Variants in APCDD1 observed in about 807,000 individuals in gnomAD.
APCDD1 encodes the protein protein APCDD1.
APCDD1 carries 15 observed loss-of-function variants against 38.1 expected under a neutral mutation model. That is an observed-to-expected ratio of 0.39 (90% CI 0.26 to 0.61). The LOEUF is 0.61. APCDD1 is among the 20% of genes least tolerant of loss of function. APCDD1 has a pLI of 0.49. For missense variants in APCDD1, 647 were observed against 696.2 expected (o/e 0.93, Z 0.79); for synonymous variants, 261 against 279.7 (o/e 0.93, Z 0.67).
chr18:10,458,349 C>T (rs1352356771), intron 1 of APCDD1, among the ~76,000 whole-genome samples: 1 of 152,160 alleles, frequency 6.6e-6, no homozygotes, highest in East Asian at 1.9e-4. Context: ...TTGCAGATTA[C>T]CAAATGAGAG....
At position 10,472,864 on chromosome 18, in the gene APCDD1, T is replaced by C. The variant is rs1010249149; in HGVS notation, c.774+803T>C. ...CCCACAAGCTTAGAGTACACGTCCA[T>C]GTGTAACTCGATCACCTCCACCATC... On this transcript the variant is annotated intron_variant, in intron 3 of 4. Transcript: ENST00000355285. The surrounding 1 kb of genome is among the most constrained non-coding windows in gnomAD (Gnocchi z 6.6). Among the ~76,000 whole-genome samples the C allele has an allele frequency of 1.3e-5, 2 of 152,198 alleles. No homozygotes were observed. Among genetic ancestry groups the C allele is most frequent in the African/African-American group, 4.8e-5 (2 of 41,450 alleles).
chr18:10,469,344 G>T lies in APCDD1; in HGVS notation c.242+692G>T, dbSNP rs2030795972. Among the ~76,000 whole-genome samples the T allele has an allele frequency of 6.6e-6, 1 of 152,122 alleles. No individual in the cohort carries two copies. Among genetic ancestry groups the T allele is most frequent in the Non-Finnish European group, 1.5e-5 (1 of 68,016 alleles). Reference sequence around the variant, plus strand: ...CAAGTTCCTTGGGGAGGGATCAGATGAATATGGAGAAGAGAAAAAAAGAAA... The same window carrying T: ...CAAGTTCCTTGGGGAGGGATCAGATTAATATGGAGAAGAGAAAAAAAGAAA... On this transcript the variant is annotated intron_variant, in intron 2 of 4. Transcript: ENST00000355285. The surrounding 1 kb of genome is among the most constrained non-coding windows in gnomAD (Gnocchi z 5.5).
chr18:10,457,216 G>C (rs11662092), intron 1 of APCDD1, among the ~76,000 whole-genome samples: 40,919 of 152,086 alleles, frequency 0.27, 5,624 homozygotes, highest in Non-Finnish European at 0.29. Context: ...TTTAAGAAAG[G>C]TTTGCCATAA....
At chr18:10,462,405 T>C in intron 1 of APCDD1, among the ~76,000 whole-genome samples, 1 of 100,656 alleles carries the variant, frequency 9.9e-6, no homozygotes. Flanking sequence ...CTTCCTGTCT[T>C]CTTTCCTTCC....
intron 3 of APCDD1, among the ~76,000 whole-genome samples, chr18:10,479,573 A>G (rs758611007): frequency 2.0e-5 from 3 of 152,190 alleles, no homozygotes; most frequent in Non-Finnish European, 4.4e-5. Context: ...TGCTGGGGAA[A>G]CGTCTGTTCT....
In APCDD1 at chr18:10,468,509, G is replaced by A. The variant is rs1320134173; in HGVS notation, c.99G>A (p.Arg33=). Residue 33 remains arginine (R), a synonymous_variant, in exon 2 of 5, where the codon AGG becomes AGA. Transcript: ENST00000355285. ...EGSALLHPDS[R]SHPRSLEKSA... ...CTGCCCTCCTTCATCCAGACAGCAG[G>A]TCTCATCCTAGGTCCTTAGAGAAAA... 2 of 1,614,022 alleles carry A rather than the reference G, an allele frequency of 1.2e-6. No homozygotes were observed. Among genetic ancestry groups the A allele is most frequent in the Non-Finnish European group, 1.7e-6 (2 of 1,180,044 alleles).
chr18:10,478,716 G>C (rs543354653), intron 3 of APCDD1, among the ~76,000 whole-genome samples: 3 of 152,278 alleles, frequency 2.0e-5, no homozygotes, highest in African/African-American at 4.8e-5. Flanking sequence ...CATGGATTTT[G>C]AGGCGACACA....
chr18:10,468,757 T>A, intron 2 of APCDD1, 105 bp downstream of exon 2: 4 of 1,230,544 alleles, frequency 3.3e-6, no homozygotes, highest in Non-Finnish European at 3.5e-6. Context: ...TTACAATGAT[T>A]TAGGTGTTGT....
intron 1 of APCDD1, among the ~76,000 whole-genome samples, chr18:10,464,711 G>A (rs1389231073): frequency 6.6e-6 from 1 of 151,920 alleles, no homozygotes; most frequent in Non-Finnish European, 1.5e-5. Context: ...ATGAGCCACT[G>A]TGCCCAGCCT....
At position 10,471,041 on chromosome 18, in the gene APCDD1, G is replaced by A. The variant is rs759264146; in HGVS notation, c.243-489G>A. The stretch of plus-strand genomic sequence containing the variant: ...TTTGCACCTGCCTGCTGTAGACAAG[G>A]TCCATAAAATAAAAGTGTTCAGGAA... On this transcript the variant is annotated intron_variant, in intron 2 of 4. Transcript: ENST00000355285. The surrounding 1 kb of genome is among the most constrained non-coding windows in gnomAD (Gnocchi z 5.5). 3.9e-5 allele frequency among the ~76,000 whole-genome samples: 6 copies of A among 152,234 alleles called. No homozygotes were observed. The highest frequency in any genetic ancestry group is 8.8e-5 in the Non-Finnish European group (6 of 68,048).
rs2030776720 is a variant in APCDD1 at position 10,468,668 on chromosome 18, G to A, written c.242+16G>A. 6.2e-7 allele frequency: 1 copy of A among 1,612,708 alleles called. No homozygotes were observed. Among genetic ancestry groups the A allele is most frequent in the South Asian group, 1.1e-5 (1 of 91,004 alleles). On this transcript the variant is annotated intron_variant, in intron 2 of 4. Coordinates refer to ENST00000355285, the MANE Select transcript of APCDD1 (RefSeq NM_153000.5). Reference sequence around the variant, plus strand: ...TCTCCACAGGGTAAGAGGACAGGTGGGGTCTGGGAGAGGCCAGAGAGCACA... The same window carrying A: ...TCTCCACAGGGTAAGAGGACAGGTGAGGTCTGGGAGAGGCCAGAGAGCACA...
In APCDD1 at chr18:10,488,664, A is replaced by G. The variant is rs577861157; in HGVS notation, c.*626A>G. ...TTCATTTCAGAAATGTTGCGTGGAA[A>G]AGTATCTGTAATTAAAGTTTCGAAG... On this transcript the variant is annotated 3_prime_UTR_variant, in exon 5 of 5. Coordinates refer to ENST00000355285, the MANE Select transcript of APCDD1 (RefSeq NM_153000.5). 6.6e-6 allele frequency: 1 copy of G among 152,424 alleles called. No homozygotes were observed. 9.4% of individuals were successfully genotyped at this position (152,424 alleles called of 1,614,324 possible).
chr18:10,474,551 C>G (rs1409281137), intron 3 of APCDD1, among the ~76,000 whole-genome samples: 1 of 152,200 alleles, frequency 6.6e-6, no homozygotes, highest in Non-Finnish European at 1.5e-5. Context: ...TCCTTTGCAC[C>G]CACTCAGGTT....
chr18:10,481,576 T>C (rs903038925), intron 3 of APCDD1, among the ~76,000 whole-genome samples: 1 of 151,710 alleles, frequency 6.6e-6, no homozygotes, highest in Non-Finnish European at 1.5e-5. Flanking sequence ...GATTTTCAGC[T>C]GGGGAAGATG....
At chr18:10,459,409 C>T (rs1434450162) in intron 1 of APCDD1, among the ~76,000 whole-genome samples, 1 of 152,174 alleles carries the variant, frequency 6.6e-6, no homozygotes, top group Non-Finnish European at 1.5e-5. Context: ...AACTTTGCAA[C>T]CTCTGGTTCA....
chr18:10,480,790 C>T (rs545964659), intron 3 of APCDD1, among the ~76,000 whole-genome samples: 1 of 151,960 alleles, frequency 6.6e-6, no homozygotes, highest in African/African-American at 2.4e-5. Context: ...ATTGCTTGAG[C>T]CTGGGAGGTG....
chr18:10,471,883 C>G lies in APCDD1; in HGVS notation c.596C>G (p.Thr199Ser). ...LWREENGCEC[T>S]KAVNFAMHEL... ...CGAGAGGAGAACGGCTGTGAGTGCACCAAGGCCGTGAACTTTGCCATGCAT... is the reference window on the plus strand; with the variant it reads ...CGAGAGGAGAACGGCTGTGAGTGCAGCAAGGCCGTGAACTTTGCCATGCAT... The change falls in exon 3 of 5, where the codon ACC (threonine) becomes AGC (serine). Residue 199 changes from threonine to serine, a missense_variant. By Grantham distance (58) the Thr-to-Ser change is moderately conservative. Coordinates refer to ENST00000355285, the MANE Select transcript of APCDD1 (RefSeq NM_153000.5). This position sits in a 1 kb window ranked among gnomAD's most constrained non-coding sequence, Gnocchi z 5.5. The G allele has an allele frequency of 6.2e-7, 1 of 1,614,156 alleles. No homozygotes were observed. Among genetic ancestry groups the G allele is most frequent in the Non-Finnish European group, 8.5e-7 (1 of 1,180,032 alleles).
rs2030325259 is a variant in APCDD1 at position 10,454,823 on chromosome 18, C to T, written c.-159C>T. 1 of 992,106 alleles carries T rather than the reference C, an allele frequency of 1.0e-6. No homozygotes were observed. The highest frequency in any genetic ancestry group is 1.2e-6 in the Non-Finnish European group (1 of 835,882). The allele number at this position is 992,106 out of a possible 1,614,324, so 61.5% of individuals were successfully genotyped here. ...CCCAGAGAGCGCGCGCCCCGCAGCCCCGCGCCTAGCCCGCCGGGCATGGGG... is the reference window on the plus strand; with the variant it reads ...CCCAGAGAGCGCGCGCCCCGCAGCCTCGCGCCTAGCCCGCCGGGCATGGGG... On this transcript the variant is annotated 5_prime_UTR_variant, in exon 1 of 5. Coordinates refer to ENST00000355285, the MANE Select transcript of APCDD1 (RefSeq NM_153000.5).
chr18:10,473,419 C>T (rs2030912980), intron 3 of APCDD1, among the ~76,000 whole-genome samples: 1 of 152,198 alleles, frequency 6.6e-6, no homozygotes, highest in African/African-American at 2.4e-5. Context: ...GGGGTTTGTT[C>T]CAACACAGAT....
Sources: allele counts gnomAD v4.1 joint callset (sites outside exome capture counted in the v4.1 genomes callset), GRCh38; gene constraint gnomAD v4.1.1; non-coding constraint Gnocchi (gnomAD v3.1); transcripts MANE v1.5; gene names NCBI Gene and HGNC (gene_info 2026-07-23, HGNC 2026-07-21).